ZNF836: variants seen among roughly 807,000 people sequenced by gnomAD.
The protein encoded by ZNF836 is zinc finger protein 836.
A neutral mutation model predicts 7.4 loss-of-function variants in ZNF836; 12 were observed. The observed-to-expected ratio is 1.61, with a 90% CI of 1.03 to 2.61. The LOEUF is 2.61. Among genes scored for constraint, ZNF836 ranks in the 30% most tolerant of loss-of-function variants. The pLI, the probability that ZNF836 is intolerant of heterozygous loss-of-function variation, is 0.00. For missense variants in ZNF836, 998 were observed against 1,126.2 expected, an observed-to-expected ratio of 0.89 and a Z score of 1.63; for synonymous variants, 365 against 382.6, an observed-to-expected ratio of 0.95 and a Z score of 0.54.
chr19:52,156,233 G>A lies in ZNF836; in HGVS notation c.1450C>T (p.His484Tyr). ...ECGKVFSQTS[H>Y]LVGHRRIHTG... ...TGAATTCTCCGATGCCCCACAAGAT[G>A]TGAAGTCTGACTGAAGACCTTGCCA... Residue 484 changes from histidine (H) to tyrosine (Y), a missense_variant, in exon 5 of 5, where the codon CAT becomes TAT. Physicochemically the swap from His to Tyr is moderately conservative, Grantham distance 83 (BLOSUM62 2). Transcript: ENST00000682614. 3 of 1,613,834 alleles carry A rather than the reference G, an allele frequency of 1.9e-6. No individual in the cohort carries two copies. Among genetic ancestry groups the A allele is most frequent in the Admixed American group, 1.7e-5 (1 of 60,016 alleles).
chr19:52,155,146 C>T lies in ZNF836; in HGVS notation c.2537G>A (p.Arg846Lys), dbSNP rs764639183. Residue 846 changes from arginine to lysine, a missense_variant, in exon 5 of 5, where the codon AGG (arginine) becomes AAG (lysine). Transcript: ENST00000682614. ...TCTTTGATGGTACACCAGCTTTGAC[C>T]TTTCAATAAAAGCTTTACCACATTC... ...CNECGKAFIE[R>K]SKLVYHQRNH... The T allele has an allele frequency of 6.8e-6, 11 of 1,613,808 alleles. No homozygotes were observed. Among genetic ancestry groups the T allele is most frequent in the Admixed American group, 1.7e-5 (1 of 59,984 alleles).
Position 52,155,583 on chromosome 19 carries a change from TC to T in ZNF836, c.2099del (p.Gly700GlufsTer35), listed in dbSNP as rs1288909467. On this transcript the variant is annotated frameshift_variant, in exon 5 of 5. Coordinates refer to ENST00000682614, the MANE Select transcript of ZNF836 (RefSeq NM_001102657.3). LOFTEE classifies it low-confidence loss of function (END_TRUNC). The part of the protein sequence containing the change: ...GEKPYNCNEF[G>X]GAFIQSSKLA... ...GTTTTGAACTTTGGATAAATGCCCC[TC>T]CAAACTCATTACAATTGTAAGGTTT... 1 of 1,613,590 alleles carries T rather than the reference TC, an allele frequency of 6.2e-7. No homozygotes were observed. The highest frequency in any genetic ancestry group is 8.5e-7 in the Non-Finnish European group (1 of 1,179,830).
chr19:52,170,034 G>T (rs534940515), intron 1 of ZNF836, among the ~76,000 whole-genome samples: 2 of 151,650 alleles, frequency 1.3e-5, no homozygotes, highest in East Asian at 3.9e-4. Context: ...ACAATTTAAA[G>T]AAATGAATTT....
Position 52,154,534 on chromosome 19 carries a change from CTG to C in ZNF836, c.*336_*337del, listed in dbSNP as rs2089133066. The C allele has an allele frequency of 5.7e-6, 1 of 174,586 alleles. No homozygotes were observed. Among genetic ancestry groups the C allele is most frequent in the Admixed American group, 5.5e-5 (1 of 18,306 alleles). 10.8% of individuals were successfully genotyped at this position (174,586 alleles called of 1,614,324 possible). A position where few individuals can be genotyped will look rare whatever the true frequency, so the allele number is the denominator to read the frequency against. Reference sequence around the variant, plus strand: ...ATTAGCCAGGCATGGTGGTGTGCACCTGTAGTCCCAGCTACTCAGGGAGACTG... The same window carrying C: ...ATTAGCCAGGCATGGTGGTGTGCACCTAGTCCCAGCTACTCAGGGAGACTG... On this transcript the variant is annotated 3_prime_UTR_variant, in exon 5 of 5. Coordinates refer to ENST00000682614, the MANE Select transcript of ZNF836 (RefSeq NM_001102657.3).
Position 52,157,210 on chromosome 19 carries a change from T to A in ZNF836, c.473A>T (p.Glu158Val). 1.9e-6 allele frequency: 3 copies of A among 1,611,984 alleles called. No individual in the cohort carries two copies. Among genetic ancestry groups the A allele is most frequent in the Non-Finnish European group, 2.5e-6 (3 of 1,178,700 alleles). Residue 158 changes from glutamate (E) to valine (V), a missense_variant, in exon 5 of 5, where the codon GAA (glutamate) becomes GTA (valine). Glu to Val is a moderately radical substitution (Grantham distance 121, BLOSUM62 -2). Transcript: ENST00000682614. ...TTGGTTACACTCATAAATTTTCCCTTCAGTTTGAAATTTCTGCAGTTCAGT... is the reference window on the plus strand; with the variant it reads ...TTGGTTACACTCATAAATTTTCCCTACAGTTTGAAATTTCTGCAGTTCAGT... ...RLTELQKFQT[E>V]GKIYECNQSE...
Position 52,157,326 on chromosome 19 carries a change from A to T in ZNF836, c.357T>A (p.Asn119Lys), listed in dbSNP as rs1203685537. The change falls in exon 5 of 5, where the codon AAT (asparagine) becomes AAA (lysine). Residue 119 changes from asparagine to lysine, a missense_variant. Asn to Lys is a moderately conservative substitution (Grantham distance 94, BLOSUM62 0). Coordinates refer to ENST00000682614, the MANE Select transcript of ZNF836 (RefSeq NM_001102657.3). ...TATGTTGACCTCTTTTACCATTAAG[A>T]TTGTTTTTATAGGTCATTGGCACTT... is the stretch of plus-strand genomic sequence containing the variant. ...YKEVPMTYKN[N>K]LNGKRGQHSQ... 6.2e-7 allele frequency: 1 copy of T among 1,605,138 alleles called. No homozygotes were observed. The highest frequency in any genetic ancestry group is 1.3e-5 in the African/African-American group (1 of 74,294).
intron 3 of ZNF836, chr19:52,165,508 T>C (rs2089254952): frequency 1.3e-5 from 2 of 152,202 alleles, no homozygotes; most frequent in African/African-American, 4.8e-5. Flanking sequence ...TTTTCTGAAA[T>C]CTCATAATGA....
intron 3 of ZNF836, among the ~76,000 whole-genome samples, chr19:52,167,472 CAAAAAAAAA>C (rs1165727472): frequency 4.5e-5 from 2 of 44,124 alleles, no homozygotes; most frequent in Non-Finnish European, 7.8e-5. Context: ...AACTCCGTCT[CAAAAAAAAA>C]AAAAAAAAAA....
At chr19:52,169,998 G>C (rs1288236370) in intron 1 of ZNF836, among the ~76,000 whole-genome samples, 2 of 152,138 alleles carry the variant, frequency 1.3e-5, no homozygotes, top group African/African-American at 4.8e-5. Flanking sequence ...TTACAGAAAA[G>C]AGTGGTAATT....
Position 52,168,081 on chromosome 19 carries a change from C to CCTTTT in ZNF836, c.-14_-10dup. Reference sequence around the variant, plus strand: ...ACCTGTGTAAGAGCCATCCCTGACTCCTTTTCTTTCCTCTTCTTCCTCTTC... The same window carrying CCTTTT: ...ACCTGTGTAAGAGCCATCCCTGACTCCTTTTCTTTTCTTTCCTCTTCTTCCTCTTC... On this transcript the variant is annotated 5_prime_UTR_variant, in exon 3 of 5. Transcript: ENST00000682614. The CCTTTT allele has an allele frequency of 6.2e-7, 1 of 1,611,744 alleles. No individual in the cohort carries two copies. Among genetic ancestry groups the CCTTTT allele is most frequent in the Non-Finnish European group, 8.5e-7 (1 of 1,178,486 alleles).
intron 1 of ZNF836, among the ~76,000 whole-genome samples, chr19:52,170,571 C>A (rs922176907): frequency 1.3e-5 from 2 of 152,072 alleles, no homozygotes; most frequent in Admixed American, 1.3e-4. Flanking sequence ...CCGCCCCACT[C>A]TATTTTGCTG....
chr19:52,157,583 T>G, intron 4 of ZNF836, 43 bp from the exon 5 acceptor site: 2 of 1,443,470 alleles, frequency 1.4e-6, no homozygotes, highest in Non-Finnish European at 1.8e-6. Context: ...GTTGGTTTTT[T>G]TTTTTGAGAC....
intron 1 of ZNF836, among the ~76,000 whole-genome samples, chr19:52,170,851 C>G (rs1173266839): frequency 2.0e-5 from 3 of 152,192 alleles, no homozygotes; most frequent in Non-Finnish European, 2.9e-5. Flanking sequence ...GCCCACCTCC[C>G]GGAAAAGCAT....
At chr19:52,168,337 C>T (rs2089283127) in intron 2 of ZNF836, among the ~76,000 whole-genome samples, 185 bp from the exon 3 acceptor site, 1 of 152,136 alleles carries the variant, frequency 6.6e-6, no homozygotes, top group Admixed American at 6.5e-5. Context: ...CCTGTAATCC[C>T]AGCACCTTAG....
In ZNF836 at chr19:52,156,037, G is replaced by C; in HGVS notation, c.1646C>G (p.Thr549Ser). ...SCLVRHLRIH[T>S]GEQPYKCNVC... ...ATTACATTTGTAAGGTTGCTCCCCAGTATGAATTCTTAAATGTCTTACAAG... is the reference window on the plus strand; with the variant it reads ...ATTACATTTGTAAGGTTGCTCCCCACTATGAATTCTTAAATGTCTTACAAG... The change falls in exon 5 of 5, where the codon ACT becomes AGT. Residue 549 changes from threonine to serine, a missense_variant. Thr to Ser is a moderately conservative substitution (Grantham distance 58). Coordinates refer to ENST00000682614, the MANE Select transcript of ZNF836 (RefSeq NM_001102657.3). 6.2e-7 allele frequency: 1 copy of C among 1,614,042 alleles called. No homozygotes were observed. Among genetic ancestry groups the C allele is most frequent in the Non-Finnish European group, 8.5e-7 (1 of 1,179,924 alleles).
rs573836406 is a variant in ZNF836 at position 52,171,532 on chromosome 19, A to C, written c.-411T>G. 1 of 152,358 alleles carries C rather than the reference A, an allele frequency of 6.6e-6. No individual in the cohort carries two copies. The highest frequency in any genetic ancestry group is 2.4e-5 in the African/African-American group (1 of 41,570). 9.4% of individuals were successfully genotyped at this position (152,358 alleles called of 1,614,324 possible). The stretch of plus-strand genomic sequence containing the variant: ...CGCGATCTGCTTCCGGGTGTGCAGG[A>C]AGCTACACGCCCTGAGAAAAAAGAC... On this transcript the variant is annotated 5_prime_UTR_variant, in exon 1 of 5. Coordinates refer to ENST00000682614, the MANE Select transcript of ZNF836 (RefSeq NM_001102657.3).
rs1033331824 is a variant in ZNF836 at position 52,161,489 on chromosome 19, A to G, written c.16-898T>C. 1.3e-5 allele frequency among the ~76,000 whole-genome samples: 2 copies of G among 152,160 alleles called. No homozygotes were observed. Among genetic ancestry groups the G allele is most frequent in the African/African-American group, 4.8e-5 (2 of 41,438 alleles). On this transcript the variant is annotated intron_variant, in intron 3 of 4. Transcript: ENST00000682614. This position sits in a 1 kb window ranked among gnomAD's most constrained non-coding sequence, Gnocchi z 4.1. ...AGAAGGGACAGAAAGGGCAAAAAGC[A>G]GTGAACTCCGTAGAATAAGCCTTTT... is the stretch of plus-strand genomic sequence containing the variant.
intron 4 of ZNF836, among the ~76,000 whole-genome samples, chr19:52,159,712 A>ATTGG (rs1013386093): frequency 2.0e-4 from 30 of 152,278 alleles, no homozygotes; most frequent in Middle Eastern, 3.4e-3. Context: ...TATGCTAGTA[A>ATTGG]GTAACTGGGT....
intron 3 of ZNF836, among the ~76,000 whole-genome samples, chr19:52,167,731 G>A (rs1350448485): frequency 6.6e-6 from 1 of 152,202 alleles, no homozygotes; most frequent in East Asian, 1.9e-4. Context: ...CTGGTCTACA[G>A]AGAGCTGACT....
Sources: gnomAD v4.1 joint callset for allele counts (sites outside exome capture counted in the v4.1 genomes callset) on GRCh38, gnomAD v4.1.1 for gene constraint, Gnocchi (gnomAD v3.1) non-coding constraint, MANE v1.5 for transcripts, NCBI Gene and HGNC (gene_info 2026-07-23, HGNC 2026-07-21) for gene names.